The following VIT variants were observed in gnomAD, a reference collection of about 807,000 sequenced individuals.
The protein encoded by VIT is vitrin.
Under a neutral mutation model 78.0 loss-of-function variants are expected in VIT, and 99 were observed. The ratio of observed to expected loss-of-function variants is 1.27; its 90% CI spans 1.08 to 1.50. VIT has a LOEUF of 1.50. VIT is among the 40% of genes most tolerant of loss of function. The pLI, the probability that VIT is intolerant of heterozygous loss-of-function variation, is 0.00. For missense variants in VIT, 1,126 were observed against 875.3 expected (o/e 1.29, Z -3.61); for synonymous variants, 374 against 334.3 (o/e 1.12, Z -1.29).
intron 2 of VIT, among the ~76,000 whole-genome samples, chr2:36,724,538 T>C (rs918544823): frequency 6.6e-6 from 1 of 152,172 alleles, no homozygotes; most frequent in Admixed American, 6.5e-5. Flanking sequence ...GGGGGATTGC[T>C]GGGGAGGAGT....
chr2:36,759,997 T>C (rs1402030794), intron 6 of VIT, among the ~76,000 whole-genome samples: 1 of 23,408 alleles, frequency 4.3e-5, no homozygotes, highest in Non-Finnish European at 1.3e-3. Flanking sequence ...CTTTCTCTTT[T>C]TTTTTTTTCT....
rs368578621 is a variant in VIT, at chr2:36,814,410, G to A, written c.*49G>A. The A allele has an allele frequency of 1.2e-6, 2 of 1,603,960 alleles. No individual in the cohort carries two copies. Among genetic ancestry groups the A allele is most frequent in the South Asian group, 1.1e-5 (1 of 89,970 alleles). ...CAAGTGCTGCTTTACTAACTGACGT[G>A]TTGGACCACCCCACCGCTTAATGGG... On this transcript the variant is annotated 3_prime_UTR_variant, in exon 16 of 16. Coordinates refer to ENST00000379242, the MANE Select transcript of VIT (RefSeq NM_053276.4).
chr2:36,722,344 G>C (rs1666567334), intron 2 of VIT, among the ~76,000 whole-genome samples: 1 of 152,080 alleles, frequency 6.6e-6, no homozygotes, highest in Admixed American at 6.6e-5. Context: ...ATTAGCCAAG[G>C]GGTTAAAACC....
chr2:36,767,527 C>G (rs1293182284), intron 7 of VIT, among the ~76,000 whole-genome samples: 1 of 152,190 alleles, frequency 6.6e-6, no homozygotes, highest in African/African-American at 2.4e-5. Flanking sequence ...CTTCATTTCT[C>G]CAAAAGCTCA....
intron 1 of VIT, among the ~76,000 whole-genome samples, chr2:36,699,163 A>C (rs1217719452): frequency 6.6e-6 from 1 of 152,116 alleles, no homozygotes; most frequent in Non-Finnish European, 1.5e-5. Context: ...GACAGAACAC[A>C]ATGGGCCTGT....
At chr2:36,801,247 C>T (rs769239566) in intron 12 of VIT, 54 bp from the exon 13 acceptor site, 1 of 1,474,406 alleles carries the variant, frequency 6.8e-7, no homozygotes, top group Admixed American at 1.7e-5. Flanking sequence ...CTCTGCCTTC[C>T]TCCAAAGGTA....
intron 2 of VIT, among the ~76,000 whole-genome samples, chr2:36,728,440 CAA>C (rs1573165961): frequency 6.6e-6 from 1 of 151,816 alleles, no homozygotes; most frequent in East Asian, 1.9e-4. Flanking sequence ...AGCGTTATTA[CAA>C]AAGAGTCAAA....
chr2:36,731,651 T>C (rs907313197), intron 3 of VIT, among the ~76,000 whole-genome samples: 11 of 152,134 alleles, frequency 7.2e-5, no homozygotes, highest in African/African-American at 2.4e-4. Flanking sequence ...AGAATTGATA[T>C]TGGGAAATCA....
intron 4 of VIT, among the ~76,000 whole-genome samples, chr2:36,744,593 CAT>C (rs775212222): frequency 1.1e-4 from 16 of 152,054 alleles, no homozygotes; most frequent in African/African-American, 7.2e-5. Context: ...AGTATTTTTT[CAT>C]ATGTTTGTTG....
rs545024027 is a variant in VIT, at chr2:36,713,350, G to A, written c.-18-3003G>A. On this transcript the variant is annotated intron_variant, in intron 1 of 15. Coordinates refer to ENST00000379242, the MANE Select transcript of VIT (RefSeq NM_053276.4). ...GTGTTCCAGAAACAGCCAAGAGGCC[G>A]GTGTGGCTAAAGATTACTAACTGAG... Among the ~76,000 whole-genome samples, 4 of 152,286 alleles carry A rather than the reference G, an allele frequency of 2.6e-5. No homozygotes were observed. The South Asian group carries it at 6.2e-4, about 24-fold the overall frequency.
In VIT at chr2:36,808,698, A is replaced by T; in HGVS notation, c.1616A>T (p.Glu539Val). Residue 539 changes from glutamate (E) to valine (V), a missense_variant, in exon 15 of 16, where the codon GAG becomes GTG. Coordinates refer to ENST00000379242, the MANE Select transcript of VIT (RefSeq NM_053276.4). Reference protein sequence around the residue: ...VLQFVTNLTKEFEISDTDTRI... With the variant: ...VLQFVTNLTKVFEISDTDTRI... Reference sequence around the variant, plus strand: ...CAGTTTGTGACCAACCTCACCAAAGAGTTTGAGATTTCCGACACGGACACG... The same window carrying T: ...CAGTTTGTGACCAACCTCACCAAAGTGTTTGAGATTTCCGACACGGACACG... 6.2e-7 allele frequency: 1 copy of T among 1,614,206 alleles called. No individual in the cohort carries two copies. The highest frequency in any genetic ancestry group is 8.5e-7 in the Non-Finnish European group (1 of 1,180,032).
chr2:36,761,601 G>A (rs941115106), intron 6 of VIT, among the ~76,000 whole-genome samples: 4 of 152,082 alleles, frequency 2.6e-5, no homozygotes, highest in African/African-American at 7.2e-5. Flanking sequence ...TTAGCTGGGC[G>A]TGGTGACACG....
intron 9 of VIT, among the ~76,000 whole-genome samples, chr2:36,779,952 GC>G (rs1477664124): frequency 6.6e-6 from 1 of 152,134 alleles, no homozygotes; most frequent in East Asian, 1.9e-4. Flanking sequence ...AAGTAAGTGA[GC>G]CCCCCAGGCT....
intron 2 of VIT, among the ~76,000 whole-genome samples, chr2:36,728,577 G>A (rs1194313086): frequency 3.4e-5 from 1 of 29,462 alleles, no homozygotes; most frequent in Non-Finnish European, 1.2e-4. Flanking sequence ...ACTTTGGGAG[G>A]CCGAGGCGGG....
At position 36,767,157 on chromosome 2, in the gene VIT, T is replaced by G. The variant is rs947476338; in HGVS notation, c.551T>G (p.Leu184Arg). Residue 184 changes from leucine to arginine, a missense_variant, in exon 7 of 16, where the codon CTG (leucine) becomes CGG (arginine). By Grantham distance (102) the Leu-to-Arg change is moderately radical. Transcript: ENST00000379242. ...IPGTTAQPVT[L>R]MQLLAVTVAV... ...GGGACAACTGCACAGCCGGTCACTCTGATGCAGCTTCTGGCTGTCACTGTA... is the reference window on the plus strand; with the variant it reads ...GGGACAACTGCACAGCCGGTCACTCGGATGCAGCTTCTGGCTGTCACTGTA... 2 of 1,610,976 alleles carry G rather than the reference T, an allele frequency of 1.2e-6. No homozygotes were observed. The highest frequency in any genetic ancestry group is 1.7e-6 in the Non-Finnish European group (2 of 1,178,892).
chr2:36,777,963 C>T (rs1321387424), intron 9 of VIT, among the ~76,000 whole-genome samples: 3 of 152,156 alleles, frequency 2.0e-5, no homozygotes, highest in Admixed American at 6.5e-5. Context: ...ACATGTGGAC[C>T]TGATGATGCT....
intron 4 of VIT, among the ~76,000 whole-genome samples, chr2:36,743,978 T>C (rs1468640971): frequency 1.3e-5 from 2 of 152,090 alleles, no homozygotes; most frequent in Non-Finnish European, 2.9e-5. Flanking sequence ...CCTTCTTGTA[T>C]TCCCCAGTAT....
At position 36,814,321 on chromosome 2, in the gene VIT, A is replaced by G. The variant is rs766320862; in HGVS notation, c.2042A>G (p.Gln681Arg). The change falls in exon 16 of 16, where the codon CAG becomes CGG. Residue 681 changes from glutamine (Q) to arginine (R), a missense_variant. Coordinates refer to ENST00000379242, the MANE Select transcript of VIT (RefSeq NM_053276.4). ...CATCAGTATGTCCCCAGGATCATCC[A>G]GAACATTTGTACAGAGTTCAACTCA... ...NLHQYVPRII[Q>R]NICTEFNSQP... The G allele has an allele frequency of 8.1e-6, 13 of 1,614,130 alleles. No individual in the cohort carries two copies. The African/African-American group carries it at 1.6e-4, about 20-fold the overall frequency.
chr2:36,797,551 T>G (rs1665995834), intron 12 of VIT, among the ~76,000 whole-genome samples: 1 of 152,080 alleles, frequency 6.6e-6, no homozygotes, highest in Non-Finnish European at 1.5e-5. Context: ...GTTGGGTGGA[T>G]CAGGCTTGGA....
Sources: gnomAD v4.1 joint callset for allele counts (sites outside exome capture counted in the v4.1 genomes callset) on GRCh38, gnomAD v4.1.1 for gene constraint, MANE v1.5 for transcripts, NCBI Gene and HGNC (gene_info 2026-07-23, HGNC 2026-07-21) for gene names.